Variants in RAD18 observed in about 807,000 individuals in gnomAD.
The protein encoded by RAD18 is E3 ubiquitin-protein ligase RAD18.
In RAD18, 47 loss-of-function variants were observed where a neutral mutation model predicts 60.4. The ratio of observed to expected loss-of-function variants is 0.78; its 90% CI spans 0.62 to 0.99. The LOEUF is 0.99. Ranked by LOEUF, RAD18 falls within the 50% of genes least tolerant of loss-of-function variation. The pLI, the probability that RAD18 is intolerant of heterozygous loss-of-function variation, is 0.00. For synonymous variants in RAD18, 225 were observed against 195.5 expected (o/e 1.15, Z -1.26); for missense variants, 640 against 593.3 (o/e 1.08, Z -0.82).
intron 11 of RAD18, among the ~76,000 whole-genome samples, chr3:8,891,604 C>A (rs1250580368): frequency 1.3e-5 from 2 of 152,164 alleles, no homozygotes; most frequent in Non-Finnish European, 2.9e-5. Flanking sequence ...TCTCCTCTTC[C>A]TCTGTGACTT....
chr3:8,956,048 T>C (rs550945336), intron 2 of RAD18, among the ~76,000 whole-genome samples: 3 of 152,366 alleles, frequency 2.0e-5, no homozygotes, highest in African/African-American at 7.2e-5. Context: ...CAATATACTA[T>C]AACAAAAGTT....
intron 12 of RAD18, among the ~76,000 whole-genome samples, chr3:8,885,826 T>A (rs1247985938): frequency 1.3e-5 from 2 of 152,216 alleles, no homozygotes; most frequent in African/African-American, 4.8e-5. Context: ...GACTTAACAT[T>A]TAAATATATT....
intron 11 of RAD18, among the ~76,000 whole-genome samples, chr3:8,895,724 C>T (rs917360446): frequency 3.3e-5 from 5 of 152,272 alleles, no homozygotes; most frequent in African/African-American, 1.2e-4. Context: ...ACTGAGTTGG[C>T]CCACTTCCTC....
chr3:8,953,457 G>C (rs931285463), intron 2 of RAD18, among the ~76,000 whole-genome samples: 2 of 152,052 alleles, frequency 1.3e-5, no homozygotes, highest in Admixed American at 6.5e-5. Context: ...CACTCTACTA[G>C]ACTACTACCA....
chr3:8,881,540 C>T, intron 12 of RAD18, 81 bp from the exon 13 acceptor site: 2 of 1,093,470 alleles, frequency 1.8e-6, no homozygotes, highest in Non-Finnish European at 2.7e-6. Context: ...TGTTTTCACA[C>T]ATATTATTTC....
In RAD18 at chr3:8,879,904, A is replaced by C. The variant is rs1939429005; in HGVS notation, c.*1453T>G. On this transcript the variant is annotated 3_prime_UTR_variant, in exon 13 of 13. Coordinates refer to ENST00000264926, the MANE Select transcript of RAD18 (RefSeq NM_020165.4). ...TAATTACTTCCAGTTTAATTTATAG[A>C]CTATATAATTTGTCATGAAACAAAC... The C allele has an allele frequency of 6.6e-6, 1 of 152,180 alleles. No homozygotes were observed. Among genetic ancestry groups the C allele is most frequent in the Non-Finnish European group, 1.5e-5 (1 of 68,042 alleles). 9.4% of individuals were successfully genotyped at this position (152,180 alleles called of 1,614,324 possible).
chr3:8,953,472 T>C (rs1574828012), intron 2 of RAD18, among the ~76,000 whole-genome samples: 1 of 152,256 alleles, frequency 6.6e-6, no homozygotes, highest in Non-Finnish European at 1.5e-5. Context: ...CTACCAAATA[T>C]GTACTGGTAA....
chr3:8,894,220 C>T (rs535858219), intron 11 of RAD18, among the ~76,000 whole-genome samples: 10 of 152,234 alleles, frequency 6.6e-5, no homozygotes, highest in African/African-American at 2.4e-4. Context: ...TTTTGTCGCA[C>T]AAACATCAAC....
chr3:8,885,891 G>A (rs189846862), intron 12 of RAD18, among the ~76,000 whole-genome samples: 236 of 152,302 alleles, frequency 1.5e-3, no homozygotes, highest in Non-Finnish European at 2.4e-3. Context: ...GCACCCAACT[G>A]CTCAGCCACT....
In RAD18 at chr3:8,881,329, G is replaced by C. The variant is rs1352173139; in HGVS notation, c.*28C>G. The C allele has an allele frequency of 6.6e-7, 1 of 1,519,340 alleles. No homozygotes were observed. The highest frequency in any genetic ancestry group is 2.3e-5 in the East Asian group (1 of 44,318). 94.1% of individuals were successfully genotyped at this position (1,519,340 alleles called of 1,614,324 possible). A position where few individuals can be genotyped will look rare whatever the true frequency, so the allele number is the denominator to read the frequency against. On this transcript the variant is annotated 3_prime_UTR_variant, in exon 13 of 13. Coordinates refer to ENST00000264926, the MANE Select transcript of RAD18 (RefSeq NM_020165.4). Reference sequence around the variant, plus strand: ...CCAAAAGTACGGTATTCTAATCAATGCATTTGAAAAGTCAGCAAAAGCCCA... The same window carrying C: ...CCAAAAGTACGGTATTCTAATCAATCCATTTGAAAAGTCAGCAAAAGCCCA...
At chr3:8,931,316 A>T (rs1940548779) in intron 7 of RAD18, among the ~76,000 whole-genome samples, 1 of 152,236 alleles carries the variant, frequency 6.6e-6, no homozygotes, top group Non-Finnish European at 1.5e-5. Flanking sequence ...TACATGGAAC[A>T]CACACACATA....
chr3:8,952,846 G>A (rs182586815), intron 2 of RAD18, among the ~76,000 whole-genome samples: 67 of 152,280 alleles, frequency 4.4e-4, no homozygotes, highest in African/African-American at 1.4e-3. Context: ...AAGCACCAGA[G>A]TCCAGACTCT....
In RAD18 at chr3:8,941,494, T is replaced by A. The variant is rs1254274969; in HGVS notation, c.577A>T (p.Thr193Ser). The A allele has an allele frequency of 6.2e-6, 10 of 1,611,054 alleles. No individual in the cohort carries two copies. The Admixed American group carries it at 1.7e-4, about 27-fold the overall frequency. The change falls in exon 5 of 13, where the codon ACA becomes TCA. Residue 193 changes from threonine (T) to serine (S), a missense_variant. Thr to Ser is a moderately conservative substitution (Grantham distance 58). Coordinates refer to ENST00000264926, the MANE Select transcript of RAD18 (RefSeq NM_020165.4). ...SEAKRPEPPS[T>S]STLKQVTKVD... ...TTAGTAACTTGTTTCAAAGTGGATG[T>A]CGAGGGTGGCTCAGGACGCTTAGCC...
chr3:8,922,337 T>C (rs950569855), intron 7 of RAD18, among the ~76,000 whole-genome samples: 1 of 152,184 alleles, frequency 6.6e-6, no homozygotes, highest in Non-Finnish European at 1.5e-5. Context: ...GCCTCGCTCA[T>C]TGCTAGCACA....
chr3:8,907,822 T>C (rs1373907213), intron 9 of RAD18, among the ~76,000 whole-genome samples: 1 of 152,140 alleles, frequency 6.6e-6, no homozygotes, highest in East Asian at 1.9e-4. Flanking sequence ...TCTAAGACGC[T>C]GGACAAGAAC....
chr3:8,900,741 G>A (rs1939895252), intron 10 of RAD18, among the ~76,000 whole-genome samples: 1 of 152,120 alleles, frequency 6.6e-6, no homozygotes, highest in South Asian at 2.1e-4. Context: ...GTTGTATGAT[G>A]CTATACAAAA....
Position 8,937,534 on chromosome 3 carries a change from TC to T in RAD18, c.705-1480del, listed in dbSNP as rs144906652. Among the ~76,000 whole-genome samples the T allele has an allele frequency of 7.4e-3, 1,126 of 152,248 alleles. 17 individuals carry two copies. The highest frequency in any genetic ancestry group is 0.026 in the African/African-American group (1,061 of 41,544). On this transcript the variant is annotated intron_variant, in intron 6 of 12. Transcript: ENST00000264926. ...AAGGGTTAAGGGCTGCCACTCACAT[TC>T]AGCAGATGGCCTGTCAGAATATTGT...
intron 11 of RAD18, among the ~76,000 whole-genome samples, chr3:8,891,787 G>A (rs1352861867): frequency 6.6e-6 from 1 of 152,182 alleles, no homozygotes; most frequent in East Asian, 1.9e-4. Flanking sequence ...AGGATTATCT[G>A]CTATATCTGC....
At chr3:8,929,630 G>A (rs910139248) in intron 7 of RAD18, among the ~76,000 whole-genome samples, 11 of 135,512 alleles carry the variant, frequency 8.1e-5, no homozygotes, top group African/African-American at 3.1e-4. Context: ...AGGACATGGA[G>A]CAACTGGAAT....
Sources: allele counts gnomAD v4.1 joint callset (sites outside exome capture counted in the v4.1 genomes callset), GRCh38; gene constraint gnomAD v4.1.1; transcripts MANE v1.5; gene names NCBI Gene and HGNC (gene_info 2026-07-23, HGNC 2026-07-21).